Variants in CDH13 observed in about 807,000 individuals in gnomAD.
CDH13 encodes cadherin 13.
Under a neutral mutation model 63.8 loss-of-function variants are expected in CDH13, and 24 were observed. The observed-to-expected ratio is 0.38, with a 90% CI of 0.27 to 0.53. The LOEUF is 0.53. Among genes scored for constraint, CDH13 ranks in the 20% least tolerant of loss-of-function variants. The pLI is 0.85. For synonymous variants in CDH13, 503 were observed against 355.3 expected (o/e 1.42, Z -4.67); for missense variants, 1,049 against 903.1 (o/e 1.16, Z -2.07).
intron 8 of CDH13, among the ~76,000 whole-genome samples, chr16:83,645,634 C>T (rs1313565658): frequency 6.6e-6 from 1 of 152,064 alleles, no homozygotes; most frequent in East Asian, 1.9e-4. Context: ...ACAGAAACCT[C>T]AGCAGCAAAG....
At chr16:83,592,644 A>G (rs892832608) in intron 7 of CDH13, among the ~76,000 whole-genome samples, 5 of 152,196 alleles carry the variant, frequency 3.3e-5, no homozygotes, top group African/African-American at 1.2e-4. Context: ...TATTCCAGCC[A>G]CATATGTCTA....
At chr16:82,728,035 C>T (rs147911842) in intron 1 of CDH13, among the ~76,000 whole-genome samples, 6 of 152,268 alleles carry the variant, frequency 3.9e-5, no homozygotes, top group African/African-American at 1.2e-4. Flanking sequence ...GAAAGCTGCT[C>T]TATTACTTAT....
At chr16:82,956,410 G>A (rs1210661306) in intron 2 of CDH13, among the ~76,000 whole-genome samples, 1 of 151,824 alleles carries the variant, frequency 6.6e-6, no homozygotes, top group Non-Finnish European at 1.5e-5. Flanking sequence ...AAGCTCAGAT[G>A]TATCCTGCCA....
chr16:83,089,735 A>G (rs74033127), intron 3 of CDH13, among the ~76,000 whole-genome samples: 1 of 152,180 alleles, frequency 6.6e-6, no homozygotes, highest in Non-Finnish European at 1.5e-5. Flanking sequence ...CTTTGCTATA[A>G]GGGCTACACG....
chr16:82,821,463 G>A (rs2037997452), intron 1 of CDH13, among the ~76,000 whole-genome samples: 2 of 152,196 alleles, frequency 1.3e-5, no homozygotes, highest in South Asian at 2.1e-4. Flanking sequence ...GGCCTTGCAA[G>A]TCTGGCTCTA....
At chr16:83,044,229 A>G (rs1917580371) in intron 3 of CDH13, among the ~76,000 whole-genome samples, 1 of 152,224 alleles carries the variant, frequency 6.6e-6, no homozygotes, top group South Asian at 2.1e-4. Context: ...ATCCATCAGT[A>G]AGTGGCAGGA....
intron 5 of CDH13, among the ~76,000 whole-genome samples, chr16:83,277,876 A>G (rs2089041711): frequency 1.3e-5 from 2 of 152,198 alleles, no homozygotes; most frequent in Non-Finnish European, 2.9e-5. Context: ...TGAAACCAAA[A>G]AATTTGAGAA....
intron 1 of CDH13, among the ~76,000 whole-genome samples, chr16:82,655,898 G>C (rs1338303713): frequency 6.6e-6 from 1 of 152,194 alleles, no homozygotes; most frequent in East Asian, 1.9e-4. Flanking sequence ...TGAAATTTCA[G>C]CTAGCCTTTA....
chr16:83,222,435 T>A (rs750796451), intron 5 of CDH13, among the ~76,000 whole-genome samples: 15 of 152,140 alleles, frequency 9.9e-5, no homozygotes, highest in Non-Finnish European at 1.8e-4. Context: ...CGGAAATAGG[T>A]GTATCATAAT....
At chr16:83,094,134 G>A (rs988489685) in intron 3 of CDH13, among the ~76,000 whole-genome samples, 11 of 152,242 alleles carry the variant, frequency 7.2e-5, no homozygotes, top group South Asian at 4.1e-4. Context: ...CAAAATTCTC[G>A]TTGCATGGCT....
At chr16:83,570,508 T>C (rs1904476492) in intron 7 of CDH13, among the ~76,000 whole-genome samples, 1 of 151,908 alleles carries the variant, frequency 6.6e-6, no homozygotes, top group Admixed American at 6.6e-5. Flanking sequence ...ACTGCTGCCC[T>C]CACCGTACTC....
intron 1 of CDH13, among the ~76,000 whole-genome samples, chr16:82,686,455 A>G (rs901573732): frequency 1.3e-5 from 2 of 152,146 alleles, no homozygotes; most frequent in African/African-American, 4.8e-5. Context: ...CGGAGATTGT[A>G]TGGGAGAGGA....
chr16:83,480,231 A>T (rs376979483), intron 6 of CDH13, among the ~76,000 whole-genome samples: 1 of 152,154 alleles, frequency 6.6e-6, no homozygotes. Flanking sequence ...TGGGAGGATC[A>T]CTTGAGCCTG....
intron 8 of CDH13, among the ~76,000 whole-genome samples, chr16:83,634,454 G>A (rs7201575): frequency 0.98 from 147,371 of 150,732 alleles, 72,140 homozygotes; most frequent in East Asian, 1. Context: ...AGGCTGGAGT[G>A]CAGTGGCACA....
intron 6 of CDH13, among the ~76,000 whole-genome samples, chr16:83,386,466 A>G (rs1485882742): frequency 5.9e-5 from 9 of 152,222 alleles, no homozygotes; most frequent in Admixed American, 5.9e-4. Flanking sequence ...TTTTTGATGT[A>G]TGCTCTTCTA....
chr16:82,741,928 T>C (rs2033949563), intron 1 of CDH13, among the ~76,000 whole-genome samples: 1 of 152,180 alleles, frequency 6.6e-6, no homozygotes, highest in Admixed American at 6.5e-5. Context: ...AGAAATTTGA[T>C]TTTAAATAAT....
chr16:83,520,913 A>G (rs1021174777), intron 7 of CDH13, among the ~76,000 whole-genome samples: 4 of 152,170 alleles, frequency 2.6e-5, no homozygotes, highest in African/African-American at 9.6e-5. Context: ...AGGGAGAGCA[A>G]TGGGCTGCCC....
At chr16:83,345,095 T>G (rs1597797240) in intron 6 of CDH13, 89 bp downstream of exon 6, 2 of 1,428,336 alleles carry the variant, frequency 1.4e-6, no homozygotes, top group Non-Finnish European at 1.9e-6. Flanking sequence ...CTTATGGCTG[T>G]TCCAACTTGT....
chr16:82,651,192 G>C (rs751477239), intron 1 of CDH13, among the ~76,000 whole-genome samples: 1 of 152,202 alleles, frequency 6.6e-6, no homozygotes, highest in South Asian at 2.1e-4. Context: ...TTAATTTAAT[G>C]ACATTTTAAC....
Sources: allele counts gnomAD v4.1 joint callset (sites outside exome capture counted in the v4.1 genomes callset), GRCh38; gene constraint gnomAD v4.1.1; transcripts MANE v1.5; gene names NCBI Gene and HGNC (gene_info 2026-07-23, HGNC 2026-07-21).